Variants in CTNNA2 observed in about 807,000 individuals in gnomAD.
The protein encoded by CTNNA2 is catenin alpha 2, also known as catenin alpha-2.
A neutral mutation model predicts 101.0 loss-of-function variants in CTNNA2; 42 were observed. The ratio of observed to expected loss-of-function variants is 0.42; its 90% CI spans 0.32 to 0.54. The LOEUF (loss-of-function observed/expected upper bound fraction) is 0.54. CTNNA2 is among the 20% of genes least tolerant of loss of function. CTNNA2 has a pLI of 0.14. For synonymous variants in CTNNA2, 450 were observed against 456.4 expected, an observed-to-expected ratio of 0.99 and a Z score of 0.18; for missense variants, 871 against 1,223.1, an observed-to-expected ratio of 0.71 and a Z score of 4.29.
Position 79,874,220 on chromosome 2 carries a change from T to A in CTNNA2, c.730T>A (p.Phe244Ile). ...TACGAGAGCCAACCGAGATTATGTG[T>A]TCAAACAAGTCCAGGAGGCCATCGC... ...AATRANRDYV[F>I]KQVQEAIAGI... Residue 244 changes from phenylalanine to isoleucine, a missense_variant, in exon 6 of 19, where the codon TTC becomes ATC. Phe to Ile is a conservative substitution (Grantham distance 21, BLOSUM62 0). Coordinates refer to ENST00000402739, the MANE Select transcript of CTNNA2 (RefSeq NM_001282597.3). 1.2e-6 allele frequency: 2 copies of A among 1,614,040 alleles called. No individual in the cohort carries two copies. The highest frequency in any genetic ancestry group is 8.5e-7 in the Non-Finnish European group (1 of 1,180,030).
chr2:80,162,747 T>G, intron 7 of CTNNA2: 7 of 1,607,216 alleles, frequency 4.4e-6, no homozygotes, highest in Non-Finnish European at 5.1e-6. Flanking sequence ...AAATCCTGAT[T>G]GATCCAGAGG....
chr2:79,386,633 T>C (rs1356353770), intron 4 of CTNNA2, among the ~76,000 whole-genome samples: 1 of 152,228 alleles, frequency 6.6e-6, no homozygotes, highest in Non-Finnish European at 1.5e-5. Flanking sequence ...TTAACTATTT[T>C]ATTCTCACAT....
chr2:79,905,301 C>T (rs1362431353), intron 6 of CTNNA2, among the ~76,000 whole-genome samples: 5 of 152,202 alleles, frequency 3.3e-5, no homozygotes, highest in East Asian at 3.9e-4. Flanking sequence ...ATAAGAAATG[C>T]AGGCCCTCTA....
At chr2:80,425,910 A>G (rs1680949392) in intron 9 of CTNNA2, among the ~76,000 whole-genome samples, 1 of 152,164 alleles carries the variant, frequency 6.6e-6, no homozygotes, top group Admixed American at 6.5e-5. Flanking sequence ...AATTGCTTTA[A>G]CAAGTGAAAT....
chr2:79,644,662 C>T (rs2104439242), intron 1 of CTNNA2, among the ~76,000 whole-genome samples: 1 of 152,284 alleles, frequency 6.6e-6, no homozygotes, highest in East Asian at 1.9e-4. Flanking sequence ...GGAAACTGAC[C>T]TCAAGACCTG....
intron 7 of CTNNA2, among the ~76,000 whole-genome samples, chr2:80,231,242 C>T (rs1709192999): frequency 6.6e-6 from 1 of 152,128 alleles, no homozygotes; most frequent in African/African-American, 2.4e-5. Context: ...CCTCCTCAGT[C>T]TCCCAGAGTA....
At chr2:79,468,327 A>T (rs1166588919) in intron 4 of CTNNA2, among the ~76,000 whole-genome samples, 1 of 152,220 alleles carries the variant, frequency 6.6e-6, no homozygotes, top group Non-Finnish European at 1.5e-5. Flanking sequence ...AAGAAGAGCT[A>T]ACTATCCGAA....
intron 1 of CTNNA2, among the ~76,000 whole-genome samples, chr2:79,608,436 T>C (rs1370518922): frequency 1.3e-5 from 2 of 152,064 alleles, no homozygotes; most frequent in African/African-American, 4.8e-5. Flanking sequence ...TGATGCCAAA[T>C]TTTAGGGTGA....
chr2:80,438,490 C>T (rs1361553100), intron 9 of CTNNA2, among the ~76,000 whole-genome samples: 1 of 151,694 alleles, frequency 6.6e-6, no homozygotes. Flanking sequence ...GTTTTGAAGG[C>T]TTTACATTTA....
chr2:79,918,549 G>T (rs1161586290), intron 7 of CTNNA2, among the ~76,000 whole-genome samples: 1 of 152,124 alleles, frequency 6.6e-6, no homozygotes, highest in African/African-American at 2.4e-5. Context: ...TGCTGTCTTG[G>T]CCTTTAAAGA....
intron 1 of CTNNA2, among the ~76,000 whole-genome samples, chr2:79,542,156 C>T (rs564223153): frequency 4.7e-4 from 72 of 152,226 alleles, no homozygotes; most frequent in African/African-American, 1.7e-3. Flanking sequence ...CACTGCTAAA[C>T]TTGCCAAGAT....
intron 4 of CTNNA2, among the ~76,000 whole-genome samples, chr2:79,462,564 A>G (rs571808656): frequency 1.3e-5 from 2 of 152,352 alleles, no homozygotes; most frequent in East Asian, 3.9e-4. Context: ...ATACGACACA[A>G]AAAAGCAACC....
At position 79,878,038 on chromosome 2, in the gene CTNNA2, C is replaced by T. The variant is rs112341839; in HGVS notation, c.852+3696C>T. 2.9e-3 allele frequency among the ~76,000 whole-genome samples: 445 copies of T among 152,188 alleles called. 3 individuals carry two copies. Among genetic ancestry groups the T allele is most frequent in the Middle Eastern group, 0.01 (3 of 294 alleles). ...GTGTCCATGTGTTCTCATTGTTCAACTCCCACTTAGGAATGAGAACATGTG... is the reference window on the plus strand; with the variant it reads ...GTGTCCATGTGTTCTCATTGTTCAATTCCCACTTAGGAATGAGAACATGTG... On this transcript the variant is annotated intron_variant, in intron 6 of 18. Coordinates refer to ENST00000402739, the MANE Select transcript of CTNNA2 (RefSeq NM_001282597.3).
At chr2:80,156,841 C>G (rs1375075175) in intron 7 of CTNNA2, among the ~76,000 whole-genome samples, 1 of 152,196 alleles carries the variant, frequency 6.6e-6, no homozygotes, top group Non-Finnish European at 1.5e-5. Context: ...TTCTCTTAAC[C>G]CTCAAACTAG....
At chr2:79,290,826 C>A (rs1038477443) in intron 2 of CTNNA2, among the ~76,000 whole-genome samples, 1 of 152,142 alleles carries the variant, frequency 6.6e-6, no homozygotes, top group Admixed American at 6.5e-5. Context: ...ATGTGTGATC[C>A]AAATCTTCTG....
intron 1 of CTNNA2, among the ~76,000 whole-genome samples, chr2:79,589,664 G>A (rs1676716467): frequency 6.6e-6 from 1 of 151,946 alleles, no homozygotes; most frequent in African/African-American, 2.4e-5. Flanking sequence ...AGAGAACGAT[G>A]TATGGCCTGA....
At chr2:79,386,166 A>G (rs951401292) in intron 4 of CTNNA2, among the ~76,000 whole-genome samples, 3 of 152,180 alleles carry the variant, frequency 2.0e-5, no homozygotes, top group African/African-American at 7.2e-5. Context: ...AAAGCGTTCA[A>G]TAGGGTCTTT....
chr2:80,581,783 T>C lies in CTNNA2; in HGVS notation c.1971T>C (p.Thr657=). 1 of 1,613,038 alleles carries C rather than the reference T, an allele frequency of 6.2e-7. No homozygotes were observed. The highest frequency in any genetic ancestry group is 8.5e-7 in the Non-Finnish European group (1 of 1,179,184). The part of the protein sequence containing the change: ...YDVRSRTSVQ[T]EDDQLIAGQS... The stretch of plus-strand genomic sequence containing the variant: ...TGCGTAGCAGGACAAGTGTTCAGAC[T>C]GAGGATGACCAGCTCATTGCAGGGC... Residue 657 remains threonine (T), a synonymous_variant, in exon 14 of 19, where the codon ACT becomes ACC. Coordinates refer to ENST00000402739, the MANE Select transcript of CTNNA2 (RefSeq NM_001282597.3).
chr2:79,670,916 A>G (rs1682794054), intron 2 of CTNNA2, among the ~76,000 whole-genome samples: 1 of 152,218 alleles, frequency 6.6e-6, no homozygotes, highest in African/African-American at 2.4e-5. Flanking sequence ...CAAGACTGTA[A>G]AGAAGTTTTC....
Sources: gnomAD v4.1 joint callset for allele counts (sites outside exome capture counted in the v4.1 genomes callset) on GRCh38, gnomAD v4.1.1 for gene constraint, MANE v1.5 for transcripts, NCBI Gene and HGNC (gene_info 2026-07-23, HGNC 2026-07-21) for gene names.